Variants in CDH4 observed in about 807,000 individuals in gnomAD.
The protein encoded by CDH4 is cadherin 4, also known as cadherin-4.
Under a neutral mutation model 86.0 loss-of-function variants are expected in CDH4, and 33 were observed. That is an observed-to-expected ratio of 0.38 (90% confidence interval 0.29 to 0.51). The LOEUF is 0.51. CDH4 is among the 20% of genes least tolerant of loss of function. The pLI is 0.86. For missense variants in CDH4, 1,114 were observed against 1,307.4 expected (o/e 0.85, Z 2.28); for synonymous variants, 555 against 549.4 (o/e 1.01, Z -0.14).
At chr20:61,779,550 G>A (rs1978427318) in intron 4 of CDH4, among the ~76,000 whole-genome samples, 2 of 152,254 alleles carry the variant, frequency 1.3e-5, no homozygotes, top group Non-Finnish European at 1.5e-5. Flanking sequence ...CAACTCAAAT[G>A]AGCTTAAGCG....
intron 2 of CDH4, among the ~76,000 whole-genome samples, chr20:61,426,696 A>T (rs987619150): frequency 6.6e-6 from 1 of 152,212 alleles, no homozygotes; most frequent in African/African-American, 2.4e-5. Context: ...TTCTTATCAA[A>T]GTGACCTGAG....
chr20:61,866,262 G>A (rs997675409), intron 6 of CDH4, among the ~76,000 whole-genome samples: 5 of 152,138 alleles, frequency 3.3e-5, no homozygotes, highest in African/African-American at 4.8e-5. Context: ...ATTTGTTCCA[G>A]GCCCTACTCT....
intron 2 of CDH4, among the ~76,000 whole-genome samples, chr20:61,371,102 G>A (rs755140788): frequency 1.3e-5 from 2 of 152,224 alleles, no homozygotes; most frequent in Non-Finnish European, 2.9e-5. Flanking sequence ...TCTGTTTGGA[G>A]CGAGCAGGCT....
At chr20:61,414,619 G>A (rs748818474) in intron 2 of CDH4, among the ~76,000 whole-genome samples, 7 of 152,208 alleles carry the variant, frequency 4.6e-5, no homozygotes, top group South Asian at 2.1e-4. Flanking sequence ...AGCAGGAAGC[G>A]GCCGTGTGAT....
intron 2 of CDH4, among the ~76,000 whole-genome samples, chr20:61,673,005 G>C (rs1265733273): frequency 6.6e-6 from 1 of 152,140 alleles, no homozygotes; most frequent in Non-Finnish European, 1.5e-5. Context: ...AAGAGACGCA[G>C]AGAGAAAGAC....
intron 3 of CDH4, among the ~76,000 whole-genome samples, chr20:61,756,511 A>G (rs1290939797): frequency 2.7e-5 from 1 of 36,814 alleles, no homozygotes; most frequent in African/African-American, 1.1e-4. Context: ...CCCCAGGCCC[A>G]TCCCCCCATC....
chr20:61,474,286 G>A (rs1004820995), intron 2 of CDH4, among the ~76,000 whole-genome samples: 19 of 147,540 alleles, frequency 1.3e-4, no homozygotes, highest in African/African-American at 3.5e-4. Context: ...TCAGCCTCCC[G>A]AGTAGCTGGG....
chr20:61,265,862 G>A (rs1483008807), intron 2 of CDH4, among the ~76,000 whole-genome samples: 1 of 152,200 alleles, frequency 6.6e-6, no homozygotes, highest in African/African-American at 2.4e-5. Context: ...GGCTCCAGGA[G>A]CTCCTGCCAC....
chr20:61,531,057 C>CTG (rs1195341140), intron 2 of CDH4, among the ~76,000 whole-genome samples: 6 of 141,132 alleles, frequency 4.3e-5, no homozygotes, highest in Non-Finnish European at 9.3e-5. Flanking sequence ...CACAGAGCTG[C>CTG]TGAGGGCTGC....
chr20:61,539,988 C>T (rs1006372364), intron 2 of CDH4, among the ~76,000 whole-genome samples: 4 of 152,326 alleles, frequency 2.6e-5, no homozygotes, highest in Non-Finnish European at 2.9e-5. Flanking sequence ...TTCTCCTCCC[C>T]GATGCCCGCA....
chr20:61,376,967 T>G (rs780842550), intron 2 of CDH4, among the ~76,000 whole-genome samples: 1 of 152,162 alleles, frequency 6.6e-6, no homozygotes, highest in African/African-American at 2.4e-5. Flanking sequence ...TGCTTTGCAA[T>G]TCTTTGGGGC....
intron 7 of CDH4, among the ~76,000 whole-genome samples, chr20:61,886,541 C>A (rs1361265084): frequency 6.6e-6 from 1 of 152,148 alleles, no homozygotes; most frequent in Non-Finnish European, 1.5e-5. Flanking sequence ...TCCAGCAGGG[C>A]ACACCCAGCT....
intron 7 of CDH4, among the ~76,000 whole-genome samples, chr20:61,877,492 G>A (rs765325822): frequency 1.3e-4 from 20 of 152,086 alleles, no homozygotes; most frequent in Non-Finnish European, 2.5e-4. Flanking sequence ...AGGAACATGA[G>A]GAGACGCTGG....
chr20:61,667,009 C>T (rs536150339), intron 2 of CDH4, among the ~76,000 whole-genome samples: 40 of 152,352 alleles, frequency 2.6e-4, no homozygotes, highest in Middle Eastern at 3.4e-3. Flanking sequence ...TGGCAGCCCA[C>T]GCAGTGCTGG....
intron 8 of CDH4, among the ~76,000 whole-genome samples, chr20:61,898,771 G>A (rs535950008): frequency 5.3e-5 from 8 of 152,218 alleles, no homozygotes; most frequent in Admixed American, 2.0e-4. Flanking sequence ...AGGTGTCGTC[G>A]GGAGCACTGC....
At chr20:61,492,065 T>A (rs952087414) in intron 2 of CDH4, among the ~76,000 whole-genome samples, 10 of 151,846 alleles carry the variant, frequency 6.6e-5, no homozygotes, top group African/African-American at 2.4e-4. Flanking sequence ...TTGCTGATGG[T>A]GGTGTCAATA....
At chr20:61,400,823 C>T (rs2085045636) in intron 2 of CDH4, among the ~76,000 whole-genome samples, 1 of 152,208 alleles carries the variant, frequency 6.6e-6, no homozygotes, top group Non-Finnish European at 1.5e-5. Flanking sequence ...TTGTTCTGGC[C>T]TTTCTATTTC....
intron 2 of CDH4, among the ~76,000 whole-genome samples, chr20:61,670,910 G>A (rs987497233): frequency 4.6e-5 from 7 of 152,074 alleles, no homozygotes; most frequent in African/African-American, 1.7e-4. Flanking sequence ...ACAAAAGGAA[G>A]GGCCCCTAGG....
chr20:61,829,073 G>A lies in CDH4; in HGVS notation c.577-15595G>A, dbSNP rs1215277093. Among the ~76,000 whole-genome samples, 14 of 152,270 alleles carry A rather than the reference G, an allele frequency of 9.2e-5. No homozygotes were observed. Among genetic ancestry groups the A allele is most frequent in the South Asian group, 4.1e-4 (2 of 4,824 alleles). ...GAGGCTCTGGCAGTCATGCTCGCCC[G>A]GCCACCACTCACCTCCAGCTGTGCG... On this transcript the variant is annotated intron_variant, in intron 4 of 15. Coordinates refer to ENST00000614565, the MANE Select transcript of CDH4 (RefSeq NM_001794.5). The surrounding 1 kb of genome is among the most constrained non-coding windows in gnomAD (Gnocchi z 4.2).
Sources: gnomAD v4.1 joint callset for allele counts (sites outside exome capture counted in the v4.1 genomes callset) on GRCh38, gnomAD v4.1.1 for gene constraint, Gnocchi (gnomAD v3.1) non-coding constraint, MANE v1.5 for transcripts, NCBI Gene and HGNC (gene_info 2026-07-23, HGNC 2026-07-21) for gene names.